CNTN5: variants seen among roughly 807,000 people sequenced by gnomAD.
CNTN5 encodes contactin-5.
In CNTN5, 77 loss-of-function variants were observed where a neutral mutation model predicts 129.1. The observed-to-expected ratio is 0.60, with a 90% CI of 0.50 to 0.72. CNTN5 has a LOEUF of 0.72. Ranked by LOEUF, CNTN5 falls within the 30% of genes least tolerant of loss-of-function variation. The pLI is 0.00. For synonymous variants in CNTN5, 509 were observed against 465.6 expected (o/e 1.09, Z -1.20); for missense variants, 1,478 against 1,328.8 (o/e 1.11, Z -1.75).
chr11:99,372,664 T>C (rs901939178), intron 2 of CNTN5, among the ~76,000 whole-genome samples: 5 of 152,112 alleles, frequency 3.3e-5, no homozygotes, highest in African/African-American at 9.7e-5. Flanking sequence ...AGCTATAGAA[T>C]AGGACGCACT....
chr11:100,251,259 G>T (rs1453251008), intron 16 of CNTN5, among the ~76,000 whole-genome samples: 1 of 152,050 alleles, frequency 6.6e-6, no homozygotes, highest in Non-Finnish European at 1.5e-5. Flanking sequence ...GCTGGCTGAA[G>T]CTGGAGTCAT....
intron 6 of CNTN5, among the ~76,000 whole-genome samples, chr11:99,883,307 G>A (rs1323956049): frequency 1.3e-5 from 2 of 152,116 alleles, no homozygotes; most frequent in Non-Finnish European, 2.9e-5. Flanking sequence ...TCTCCGTAGT[G>A]GCTGTACTAA....
chr11:99,082,972 G>A (rs1422818148), intron 1 of CNTN5, among the ~76,000 whole-genome samples: 1 of 151,662 alleles, frequency 6.6e-6, no homozygotes, highest in Non-Finnish European at 1.5e-5. Context: ...TGGTAATTAT[G>A]TTTCTTTCTA....
At chr11:100,048,539 A>T (rs745565978) in intron 9 of CNTN5, among the ~76,000 whole-genome samples, 17 of 152,168 alleles carry the variant, frequency 1.1e-4, no homozygotes, top group Non-Finnish European at 2.4e-4. Context: ...AATAGAAGTT[A>T]TCTTTATGAA....
intron 1 of CNTN5, among the ~76,000 whole-genome samples, chr11:99,150,659 T>C (rs2135486801): frequency 6.6e-6 from 1 of 152,188 alleles, no homozygotes; most frequent in South Asian, 2.1e-4. Context: ...TTTATTAATC[T>C]AAAATATGAA....
chr11:99,454,474 C>T (rs894619790), intron 2 of CNTN5, among the ~76,000 whole-genome samples: 4 of 152,044 alleles, frequency 2.6e-5, no homozygotes, highest in South Asian at 2.1e-4. Flanking sequence ...CTCCTTCGCT[C>T]GGCACTTCTT....
At chr11:99,458,790 T>G (rs987092495) in intron 2 of CNTN5, among the ~76,000 whole-genome samples, 3 of 152,014 alleles carry the variant, frequency 2.0e-5, no homozygotes, top group African/African-American at 7.2e-5. Flanking sequence ...TCTGGGGAAC[T>G]GAGCAAATAA....
At chr11:99,625,879 G>A (rs1417068501) in intron 3 of CNTN5, among the ~76,000 whole-genome samples, 1 of 150,686 alleles carries the variant, frequency 6.6e-6, no homozygotes, top group Non-Finnish European at 1.5e-5. Context: ...CAAGTCTCAT[G>A]AGCTCATGAT....
rs1231558491 is a variant in CNTN5, at chr11:99,044,680, G to A, written c.-210+23410G>A. Among the ~76,000 whole-genome samples the A allele has an allele frequency of 4.6e-5, 7 of 152,240 alleles. No homozygotes were observed. The South Asian group carries it at 1.0e-3, about 23-fold the overall frequency. On this transcript the variant is annotated intron_variant, in intron 1 of 24. Coordinates refer to ENST00000524871, the MANE Select transcript of CNTN5 (RefSeq NM_014361.4). ...AGCAGACTTGGCATGGATAATTCTC[G>A]TTGGCTGTCAAAATCCTTTTCCCGA...
rs1007603208 is a variant in CNTN5, at chr11:99,109,815, C to A, written c.-210+88545C>A. The stretch of plus-strand genomic sequence containing the variant: ...CTTTTTCTTTTCAGTCATAGCAAAA[C>A]CTCTATATTAATGTGAACATATAGA... On this transcript the variant is annotated intron_variant, in intron 1 of 24. Transcript: ENST00000524871. Among the ~76,000 whole-genome samples, 13 of 151,962 alleles carry A rather than the reference C, an allele frequency of 8.6e-5. No individual in the cohort carries two copies. The South Asian group carries it at 1.2e-3, about 15-fold the overall frequency.
At chr11:99,688,234 A>G (rs7116281) in intron 3 of CNTN5, among the ~76,000 whole-genome samples, 46,025 of 152,072 alleles carry the variant, frequency 0.3, 7,161 homozygotes, top group East Asian at 0.49. Context: ...TGCAGACAGC[A>G]TCTTGCTATG....
chr11:99,909,533 T>G (rs376586308), intron 6 of CNTN5, among the ~76,000 whole-genome samples: 1 of 152,146 alleles, frequency 6.6e-6, no homozygotes, highest in African/African-American at 2.4e-5. Context: ...TGAGGCACTA[T>G]TCACAATAGC....
intron 18 of CNTN5, among the ~76,000 whole-genome samples, chr11:100,289,028 C>T (rs184232700): frequency 6.3e-4 from 96 of 152,030 alleles, no homozygotes; most frequent in South Asian, 4.0e-3. Context: ...ATAAATTCCT[C>T]GAAACATACA....
intron 1 of CNTN5, among the ~76,000 whole-genome samples, chr11:99,134,830 G>T (rs970723541): frequency 8.5e-5 from 13 of 152,166 alleles, no homozygotes; most frequent in African/African-American, 3.1e-4. Context: ...GATTTCTAAT[G>T]ACATGTGAAT....
intron 2 of CNTN5, among the ~76,000 whole-genome samples, chr11:99,441,492 T>C (rs1313833079): frequency 6.6e-6 from 1 of 152,128 alleles, no homozygotes; most frequent in East Asian, 1.9e-4. Flanking sequence ...GCACTGAACA[T>C]GTGAATAATG....
chr11:99,412,909 A>G (rs978750409), intron 2 of CNTN5, among the ~76,000 whole-genome samples: 9 of 152,218 alleles, frequency 5.9e-5, no homozygotes, highest in Admixed American at 2.0e-4. Flanking sequence ...GGGTGAATAT[A>G]ACTAATTTAA....
At chr11:99,997,542 C>G (rs975480944) in intron 8 of CNTN5, among the ~76,000 whole-genome samples, 5 of 152,130 alleles carry the variant, frequency 3.3e-5, no homozygotes, top group African/African-American at 1.2e-4. Context: ...GAGCCCAGGA[C>G]GAGATGGATT....
intron 13 of CNTN5, among the ~76,000 whole-genome samples, chr11:100,091,152 T>C (rs1944766000): frequency 6.6e-6 from 1 of 152,038 alleles, no homozygotes; most frequent in Non-Finnish European, 1.5e-5. Flanking sequence ...ATCATTACAC[T>C]CCCTGTTCGG....
chr11:100,013,996 C>G (rs1940680006), intron 9 of CNTN5, among the ~76,000 whole-genome samples: 1 of 152,038 alleles, frequency 6.6e-6, no homozygotes, highest in Non-Finnish European at 1.5e-5. Context: ...ATTAGTTAAG[C>G]TAAGAGAACA....
Sources: allele counts gnomAD v4.1 joint callset (sites outside exome capture counted in the v4.1 genomes callset), GRCh38; gene constraint gnomAD v4.1.1; transcripts MANE v1.5; gene names NCBI Gene and HGNC (gene_info 2026-07-23, HGNC 2026-07-21).